Variants in CSMD1 observed in about 807,000 individuals in gnomAD.
CSMD1 encodes the protein CUB and Sushi multiple domains 1.
In CSMD1, 213 loss-of-function variants were observed where a neutral mutation model predicts 417.5. That is an observed-to-expected ratio of 0.51 (90% CI 0.46 to 0.57). The LOEUF is 0.57. Ranked by LOEUF, CSMD1 falls within the 20% of genes least tolerant of loss-of-function variation. The pLI is 0.00. For missense variants in CSMD1, 6,923 were observed against 4,529.7 expected, an observed-to-expected ratio of 1.53 and a Z score of -15.17; for synonymous variants, 2,862 against 1,736.8, an observed-to-expected ratio of 1.65 and a Z score of -16.11.
chr8:4,108,825 G>A (rs1047789564), intron 3 of CSMD1, among the ~76,000 whole-genome samples: 1 of 152,190 alleles, frequency 6.6e-6, no homozygotes, highest in South Asian at 2.1e-4. Flanking sequence ...GCAAAGACCA[G>A]CAGAGTTCTG....
chr8:4,027,861 T>C (rs1481264784), intron 4 of CSMD1, among the ~76,000 whole-genome samples: 2 of 152,058 alleles, frequency 1.3e-5, no homozygotes, highest in Non-Finnish European at 1.5e-5. Context: ...AAAAATTAAA[T>C]AAATAAAGAG....
chr8:4,103,478 T>A (rs1408188647), intron 3 of CSMD1, among the ~76,000 whole-genome samples: 1 of 150,324 alleles, frequency 6.7e-6, no homozygotes, highest in African/African-American at 2.4e-5. Context: ...TTAAAAAGGG[T>A]TTTACATATA....
intron 1 of CSMD1, among the ~76,000 whole-genome samples, chr8:4,746,930 T>G (rs1673260): frequency 0.79 from 120,982 of 152,180 alleles, 48,453 homozygotes; most frequent in African/African-American, 0.89. Flanking sequence ...GTGTAATGAA[T>G]CTGATGATTC....
intron 3 of CSMD1, among the ~76,000 whole-genome samples, chr8:4,179,971 C>A (rs1285992695): frequency 6.6e-6 from 1 of 152,084 alleles, no homozygotes; most frequent in Admixed American, 6.5e-5. Flanking sequence ...CACTTTTACA[C>A]TGTTAGTGGG....
chr8:3,437,879 C>G (rs935706872), intron 12 of CSMD1, among the ~76,000 whole-genome samples: 1 of 151,996 alleles, frequency 6.6e-6, no homozygotes, highest in Non-Finnish European at 1.5e-5. Flanking sequence ...ACCCGAGTAG[C>G]TGGGATTACA....
At chr8:3,617,599 T>G (rs1207184326) in intron 7 of CSMD1, among the ~76,000 whole-genome samples, 1 of 152,198 alleles carries the variant, frequency 6.6e-6, no homozygotes, top group African/African-American at 2.4e-5. Context: ...GCATATCTAT[T>G]TTACTCTGAA....
chr8:2,947,850 G>A (rs751775568), intron 68 of CSMD1, among the ~76,000 whole-genome samples: 2 of 151,710 alleles, frequency 1.3e-5, no homozygotes, highest in Admixed American at 6.6e-5. Flanking sequence ...CTCAGCCACT[G>A]CCAACATTAT....
At chr8:3,261,564 G>C (rs1183084138) in intron 26 of CSMD1, among the ~76,000 whole-genome samples, 1 of 152,086 alleles carries the variant, frequency 6.6e-6, no homozygotes, top group Admixed American at 6.6e-5. Flanking sequence ...CATCACAGCT[G>C]TACTCATAGG....
chr8:4,990,354 T>C (rs962657931), intron 1 of CSMD1, among the ~76,000 whole-genome samples: 3 of 119,612 alleles, frequency 2.5e-5, no homozygotes, highest in Admixed American at 7.8e-5. Context: ...ATTAACTTCA[T>C]TTTAAGGGGT....
At chr8:3,864,518 G>T (rs1453205513) in intron 5 of CSMD1, among the ~76,000 whole-genome samples, 4 of 152,196 alleles carry the variant, frequency 2.6e-5, no homozygotes, top group Non-Finnish European at 5.9e-5. Context: ...TGCACAACGT[G>T]CAGGTTTGTT....
chr8:4,105,018 C>T (rs750247176), intron 3 of CSMD1, among the ~76,000 whole-genome samples: 1 of 151,770 alleles, frequency 6.6e-6, no homozygotes, highest in Non-Finnish European at 1.5e-5. Context: ...CAATTAAAAA[C>T]TACATTATAG....
intron 2 of CSMD1, among the ~76,000 whole-genome samples, chr8:4,582,252 T>TA (rs1038486202): frequency 3.9e-5 from 6 of 152,176 alleles, no homozygotes; most frequent in African/African-American, 1.4e-4. Context: ...AGGGCTGACC[T>TA]AAAAAATGGT....
chr8:4,722,414 G>T (rs1025843900), intron 1 of CSMD1, among the ~76,000 whole-genome samples: 1 of 152,090 alleles, frequency 6.6e-6, no homozygotes, highest in African/African-American at 2.4e-5. Context: ...TCTCTTGACC[G>T]AGTGAAAAGT....
chr8:4,334,035 C>T (rs116540967), intron 3 of CSMD1, among the ~76,000 whole-genome samples: 425 of 152,124 alleles, frequency 2.8e-3, no homozygotes, highest in African/African-American at 9.9e-3. Context: ...GGACCACAGG[C>T]ACCCACCACA....
intron 1 of CSMD1, among the ~76,000 whole-genome samples, chr8:4,798,529 G>C (rs1180044589): frequency 6.6e-6 from 1 of 152,172 alleles, no homozygotes; most frequent in Admixed American, 6.5e-5. Flanking sequence ...AGACAGGTTA[G>C]TATCTGACAA....
chr8:4,466,895 T>C (rs1011509946), intron 2 of CSMD1, among the ~76,000 whole-genome samples: 2 of 151,998 alleles, frequency 1.3e-5, no homozygotes, highest in Admixed American at 6.5e-5. Flanking sequence ...TTTAATTATA[T>C]TGAAATTTTA....
At chr8:4,922,805 T>C (rs1806583984) in intron 1 of CSMD1, among the ~76,000 whole-genome samples, 1 of 152,282 alleles carries the variant, frequency 6.6e-6, no homozygotes, top group Middle Eastern at 3.4e-3. Flanking sequence ...AAGTGTTTCC[T>C]TCTACACAGG....
At chr8:3,762,745 G>A (rs79975260) in intron 5 of CSMD1, among the ~76,000 whole-genome samples, 9 of 152,244 alleles carry the variant, frequency 5.9e-5, no homozygotes, top group South Asian at 2.1e-4. Flanking sequence ...GCCACAGCTC[G>A]GCTTGGTTTA....
At chr8:3,381,834 C>A (rs893000759) in intron 18 of CSMD1, among the ~76,000 whole-genome samples, 10 of 152,270 alleles carry the variant, frequency 6.6e-5, no homozygotes, top group Admixed American at 6.5e-4. Flanking sequence ...ATGAGAGTTA[C>A]AATTTTAGAA....
Sources: gnomAD v4.1 joint callset for allele counts (sites outside exome capture counted in the v4.1 genomes callset) on GRCh38, gnomAD v4.1.1 for gene constraint, MANE v1.5 for transcripts, NCBI Gene and HGNC (gene_info 2026-07-23, HGNC 2026-07-21) for gene names.